The following SKIC3 variants were observed in gnomAD, a reference collection of about 807,000 sequenced individuals.
SKIC3 encodes the protein SKI3 subunit of superkiller complex, also known as superkiller complex protein 3.
chr5:95,472,493 TCCCTCTCTCTGGTAGGACC>T, the SKIC3 span, among the ~76,000 whole-genome samples: 1 of 152,122 alleles, frequency 6.6e-6, no homozygotes, highest in South Asian at 2.1e-4. Flanking sequence ...GATTGAAGCC[TCCCTCTCTCTGGTAGGACC>T]CCCTTCCTCA....
chr5:95,517,037 A>T, the SKIC3 span: 3 of 1,613,700 alleles, frequency 1.9e-6, no homozygotes, highest in Non-Finnish European at 2.5e-6. Flanking sequence ...TGTAGACATC[A>T]GTTTTAATGC....
the SKIC3 span, among the ~76,000 whole-genome samples, chr5:95,499,403 G>T: frequency 6.6e-6 from 1 of 152,086 alleles, no homozygotes; most frequent in Non-Finnish European, 1.5e-5. Context: ...TGTCATGATT[G>T]TAAGTTTCCT....
At chr5:95,468,371 G>A in the SKIC3 span, among the ~76,000 whole-genome samples, 3 of 152,110 alleles carry the variant, frequency 2.0e-5, no homozygotes, top group Non-Finnish European at 4.4e-5. Context: ...AAAGTAGGCA[G>A]AAACTAAATA....
At chr5:95,522,033 G>T in the SKIC3 span, 25 of 1,612,510 alleles carry the variant, frequency 1.6e-5, no homozygotes, top group African/African-American at 2.8e-4. Flanking sequence ...AAAGTCAAAG[G>T]AGCTACTAAA....
the SKIC3 span, chr5:95,516,335 G>A: frequency 1.9e-6 from 3 of 1,612,060 alleles, no homozygotes; most frequent in South Asian, 2.2e-5. Flanking sequence ...AAATATGACA[G>A]ACAGGCAACA....
chr5:95,485,953 G>A, the SKIC3 span, among the ~76,000 whole-genome samples: 2 of 152,130 alleles, frequency 1.3e-5, no homozygotes, highest in Admixed American at 6.5e-5. Flanking sequence ...AAAGGCTCCT[G>A]AATGCAGGGA....
chr5:95,509,544 C>A, the SKIC3 span: 4 of 1,366,078 alleles, frequency 2.9e-6, no homozygotes, highest in Non-Finnish European at 4.2e-6. Context: ...TCTCCAGGAA[C>A]CCTTCCCCTC....
chr5:95,520,604 T>C, the SKIC3 span: 2 of 822,720 alleles, frequency 2.4e-6, no homozygotes, highest in East Asian at 2.7e-5. Flanking sequence ...TTCTTTATGT[T>C]TGACATTCTG....
chr5:95,488,112 C>T, the SKIC3 span, among the ~76,000 whole-genome samples: 1 of 151,950 alleles, frequency 6.6e-6, no homozygotes, highest in African/African-American at 2.4e-5. Flanking sequence ...GAAGACAGAT[C>T]TTTTCAAACA....
chr5:95,503,335 A>C, the SKIC3 span, among the ~76,000 whole-genome samples: 1 of 152,166 alleles, frequency 6.6e-6, no homozygotes, highest in African/African-American at 2.4e-5. Context: ...CAAAACTCCC[A>C]CGTGCAGCCC....
the SKIC3 span, chr5:95,541,797 T>A: frequency 6.4e-7 from 1 of 1,559,276 alleles, no homozygotes. Flanking sequence ...AACTGGACTT[T>A]CCTCATACAT....
the SKIC3 span, among the ~76,000 whole-genome samples, chr5:95,549,810 C>T: frequency 6.6e-6 from 1 of 151,550 alleles, no homozygotes; most frequent in African/African-American, 2.4e-5. Flanking sequence ...CTAAACAAAC[C>T]CTTATTGAGA....
the SKIC3 span, chr5:95,468,105 T>C: frequency 1.6e-6 from 2 of 1,283,744 alleles, no homozygotes; most frequent in Non-Finnish European, 1.1e-6. Context: ...TAGTGTCTGA[T>C]TATGATTTTT....
chr5:95,528,248 T>TA, the SKIC3 span: 1 of 1,469,684 alleles, frequency 6.8e-7, no homozygotes, highest in Admixed American at 1.7e-5. Context: ...GCAGATACAA[T>TA]AAGCATAAAT....
the SKIC3 span, chr5:95,509,647 A>T: frequency 3.7e-6 from 6 of 1,614,028 alleles, no homozygotes; most frequent in Admixed American, 1.0e-4. Context: ...CGTTTAAGTA[A>T]CCCAACATTG....
At chr5:95,533,857 C>G in the SKIC3 span, among the ~76,000 whole-genome samples, 2 of 151,954 alleles carry the variant, frequency 1.3e-5, no homozygotes, top group Non-Finnish European at 2.9e-5. Flanking sequence ...ATTTTGTAGG[C>G]TTTTTAGAAT....
At chr5:95,498,332 G>A in the SKIC3 span, 4 of 1,575,258 alleles carry the variant, frequency 2.5e-6, no homozygotes, top group Non-Finnish European at 2.6e-6. Context: ...ACCATATCAA[G>A]TATAATTAGG....
chr5:95,516,383 T>A, the SKIC3 span: 7 of 1,613,156 alleles, frequency 4.3e-6, no homozygotes, highest in Non-Finnish European at 5.9e-6. Flanking sequence ...GGTATAACAC[T>A]CCCAAGTTGG....
At chr5:95,469,653 A>G in the SKIC3 span, 1 of 1,287,574 alleles carries the variant, frequency 7.8e-7, no homozygotes, top group Non-Finnish European at 1.1e-6. Context: ...AGATATATAA[A>G]TACCCCCCAA....
Sources: gnomAD v4.1 joint callset for allele counts (sites outside exome capture counted in the v4.1 genomes callset) on GRCh38, gnomAD v4.1.1 for gene constraint, MANE v1.5 for transcripts, NCBI Gene and HGNC (gene_info 2026-07-23, HGNC 2026-07-21) for gene names.